Variants in TLK1 observed in about 807,000 individuals in gnomAD.
The protein encoded by TLK1 is tousled like kinase 1.
TLK1 carries 24 observed loss-of-function variants against 105.3 expected under a neutral mutation model. The ratio of observed to expected loss-of-function variants is 0.23; its 90% CI spans 0.17 to 0.32. The LOEUF (loss-of-function observed/expected upper bound fraction) is 0.32. Among genes scored for constraint, TLK1 ranks in the 10% least tolerant of loss-of-function variants. The pLI is 1.00. For synonymous variants in TLK1, 321 were observed against 310.4 expected (o/e 1.03, Z -0.36); for missense variants, 558 against 910.5 (o/e 0.61, Z 4.98).
chr2:171,007,055 G>A lies in TLK1; in HGVS notation c.1425C>T (p.Asp475=), dbSNP rs750981981. ...CAGCAGCATATCTTTGTTCATAAAG[G>A]TCAAAAGCCTAGGATTTCAAGTCAA... ...GGFSEVYKAF[D]LYEQRYAAVK... The change falls in exon 15 of 21, where the codon GAC becomes GAT. Residue 475 remains aspartate (D), a synonymous_variant. Coordinates refer to ENST00000431350, the MANE Select transcript of TLK1 (RefSeq NM_012290.5). 2.0e-5 allele frequency: 32 copies of A among 1,600,136 alleles called. No individual in the cohort carries two copies. The highest frequency in any genetic ancestry group is 2.6e-5 in the Non-Finnish European group (31 of 1,176,574).
At chr2:171,069,853 T>C (rs946832575) in intron 3 of TLK1, among the ~76,000 whole-genome samples, 6 of 152,240 alleles carry the variant, frequency 3.9e-5, no homozygotes, top group Admixed American at 6.5e-5. Context: ...CAAATAGTTG[T>C]AACCAACATA....
intron 10 of TLK1, among the ~76,000 whole-genome samples, chr2:171,047,254 C>G (rs1010166715): frequency 6.6e-6 from 1 of 152,146 alleles, no homozygotes; most frequent in Non-Finnish European, 1.5e-5. Context: ...AACAGTGAAG[C>G]TTTTTAAAAC....
At chr2:170,998,084 AT>A (rs1298278372) in intron 18 of TLK1, among the ~76,000 whole-genome samples, 946 of 85,884 alleles carry the variant, frequency 0.011, 11 homozygotes, top group African/African-American at 0.043. Context: ...CTATCTATCT[AT>A]CTATCTACCT....
chr2:171,002,793 A>G (rs539842996), intron 18 of TLK1, among the ~76,000 whole-genome samples: 1 of 151,858 alleles, frequency 6.6e-6, no homozygotes, highest in East Asian at 2.0e-4. Context: ...GTGCCACCAC[A>G]TTTGGCTAAT....
At chr2:171,066,942 G>T in intron 3 of TLK1, 1 of 1,542,792 alleles carries the variant, frequency 6.5e-7, no homozygotes, top group Non-Finnish European at 8.7e-7. Flanking sequence ...AATTTATTCT[G>T]GAAATGTTGG....
intron 1 of TLK1, among the ~76,000 whole-genome samples, chr2:171,120,126 G>A (rs898367626): frequency 1.3e-5 from 2 of 151,714 alleles, no homozygotes; most frequent in Non-Finnish European, 2.9e-5. Context: ...GTGTGTGCCT[G>A]TAATCTCAGC....
intron 11 of TLK1, among the ~76,000 whole-genome samples, chr2:171,036,949 A>G (rs1005796900): frequency 1.2e-4 from 19 of 152,294 alleles, no homozygotes; most frequent in Admixed American, 3.3e-4. Flanking sequence ...AAAAAAGGCT[A>G]GATTTAAATG....
intron 1 of TLK1, among the ~76,000 whole-genome samples, chr2:171,131,269 A>C (rs1006989970): frequency 2.0e-5 from 3 of 152,230 alleles, no homozygotes; most frequent in African/African-American, 7.2e-5. Context: ...TCTATAAAAT[A>C]GGTTCATATG....
chr2:171,049,108 T>C (rs151239155), intron 10 of TLK1, among the ~76,000 whole-genome samples: 2,608 of 152,184 alleles, frequency 0.017, 117 homozygotes, highest in Admixed American at 0.11. Flanking sequence ...ATGAGAATGA[T>C]AGAAACTGGG....
intron 11 of TLK1, among the ~76,000 whole-genome samples, chr2:171,044,160 G>T (rs955767957): frequency 2.0e-5 from 3 of 152,148 alleles, no homozygotes; most frequent in Non-Finnish European, 2.9e-5. Context: ...AGTGGCTCAT[G>T]CCTGTGATCC....
intron 11 of TLK1, among the ~76,000 whole-genome samples, chr2:171,037,782 T>C (rs1161037619): frequency 6.6e-6 from 1 of 152,210 alleles, no homozygotes; most frequent in East Asian, 1.9e-4. Flanking sequence ...GATTTGTGCA[T>C]TTATTTTCAC....
At chr2:171,038,473 C>A (rs1686484650) in intron 11 of TLK1, among the ~76,000 whole-genome samples, 1 of 152,132 alleles carries the variant, frequency 6.6e-6, no homozygotes, top group African/African-American at 2.4e-5. Flanking sequence ...TCTCGATACT[C>A]TTTCAGATAC....
At chr2:171,033,319 C>A (rs1217500315) in intron 11 of TLK1, among the ~76,000 whole-genome samples, 2 of 151,756 alleles carry the variant, frequency 1.3e-5, no homozygotes, top group Non-Finnish European at 2.9e-5. Context: ...ACAACAGTAA[C>A]AAAAATCAAC....
intron 1 of TLK1, among the ~76,000 whole-genome samples, chr2:171,209,084 G>T (rs1219260302): frequency 1.3e-5 from 2 of 152,182 alleles, no homozygotes; most frequent in South Asian, 2.1e-4. Flanking sequence ...ACTGATAATG[G>T]AGAAGCTTCA....
chr2:171,159,576 A>C (rs1057102490), intron 1 of TLK1: 20 of 152,378 alleles, frequency 1.3e-4, no homozygotes, highest in African/African-American at 4.8e-4. Context: ...TCACAGAAGA[A>C]CAGTAGCCTA....
upstream of TLK1, among the ~76,000 whole-genome samples, chr2:171,161,573 G>T (rs944090313): frequency 6.6e-6 from 1 of 152,194 alleles, no homozygotes; most frequent in Non-Finnish European, 1.5e-5. Context: ...AAAATTACCA[G>T]TTTTGTAGAC....
chr2:171,083,081 G>A (rs528141159), intron 2 of TLK1, among the ~76,000 whole-genome samples: 3 of 152,154 alleles, frequency 2.0e-5, no homozygotes, highest in African/African-American at 7.2e-5. Context: ...TGTGTTTTAG[G>A]AACTGACTTC....
At chr2:171,035,810 A>ATTC (rs1480861893) in intron 11 of TLK1, among the ~76,000 whole-genome samples, 3 of 152,176 alleles carry the variant, frequency 2.0e-5, no homozygotes, top group African/African-American at 7.2e-5. Flanking sequence ...GCTGCTGGCT[A>ATTC]TGAAGACGGA....
chr2:171,216,109 C>T (rs990346099), intron 1 of TLK1, among the ~76,000 whole-genome samples: 2 of 152,136 alleles, frequency 1.3e-5, no homozygotes, highest in Admixed American at 1.3e-4. Context: ...AAGGTCATAC[C>T]TGTTAATAAG....
Sources: allele counts gnomAD v4.1 joint callset (sites outside exome capture counted in the v4.1 genomes callset), GRCh38; gene constraint gnomAD v4.1.1; transcripts MANE v1.5; gene names NCBI Gene and HGNC (gene_info 2026-07-23, HGNC 2026-07-21).